SRGAP2B: variants seen among roughly 807,000 people sequenced by gnomAD.
SRGAP2B encodes the protein SLIT-ROBO Rho GTPase-activating protein 2B.
SRGAP2B carries 9 observed loss-of-function variants against 22.2 expected under a neutral mutation model. The observed-to-expected ratio is 0.41, with a 90% CI of 0.24 to 0.71. SRGAP2B has a LOEUF of 0.71. Among genes scored for constraint, SRGAP2B ranks in the 30% least tolerant of loss-of-function variants. The pLI, the probability that SRGAP2B is intolerant of heterozygous loss-of-function variation, is 0.35. For synonymous variants in SRGAP2B, 36 were observed against 87.4 expected (o/e 0.41, Z 3.28); for missense variants, 114 against 235.8 (o/e 0.48, Z 3.38).
chr1:144,974,878 C>T (rs1369696285), intron 3 of SRGAP2B, among the ~76,000 whole-genome samples: 1 of 149,798 alleles, frequency 6.7e-6, no homozygotes, highest in Non-Finnish European at 1.5e-5. Flanking sequence ...GATGCTGATG[C>T]TGATGCTGAT....
intron 4 of SRGAP2B, among the ~76,000 whole-genome samples, chr1:144,944,705 T>G (rs1666354951): frequency 6.8e-6 from 1 of 146,074 alleles, no homozygotes. Context: ...ATTTATTTAT[T>G]TATTTATTTA....
chr1:144,926,957 T>TC (rs1462637715), intron 4 of SRGAP2B, among the ~76,000 whole-genome samples: 2 of 151,886 alleles, frequency 1.3e-5, no homozygotes, highest in Non-Finnish European at 2.9e-5. Context: ...TTTTCTTTTT[T>TC]CTTTTTTTTG....
chr1:145,076,330 C>A (rs1272279910), intron 2 of SRGAP2B, among the ~76,000 whole-genome samples: 1 of 149,532 alleles, frequency 6.7e-6, no homozygotes, highest in Non-Finnish European at 1.5e-5. Flanking sequence ...CCTGGCTTAT[C>A]TCTATTTTCT....
intron 4 of SRGAP2B, among the ~76,000 whole-genome samples, chr1:144,917,674 G>T (rs1392649564): frequency 2.1e-5 from 3 of 143,988 alleles, no homozygotes; most frequent in Non-Finnish European, 3.0e-5. Context: ...TGAACAGGCT[G>T]CTGAAGTGAT....
At chr1:145,019,201 AAT>A (rs1672619994) in intron 2 of SRGAP2B, among the ~76,000 whole-genome samples, 4 of 138,270 alleles carry the variant, frequency 2.9e-5, no homozygotes, top group Admixed American at 2.2e-4. Context: ...AAAAAAAAAA[AAT>A]AGCCAGGTGT....
chr1:144,956,483 TG>T (rs1553610347), intron 3 of SRGAP2B, among the ~76,000 whole-genome samples: 2 of 112,974 alleles, frequency 1.8e-5, no homozygotes, highest in African/African-American at 7.3e-5. Flanking sequence ...AGTCTCACTC[TG>T]TCACCCAGGC....
At chr1:144,997,257 T>A (rs1553618610) in intron 2 of SRGAP2B, among the ~76,000 whole-genome samples, 1 of 150,430 alleles carries the variant, frequency 6.6e-6, no homozygotes, top group Non-Finnish European at 1.5e-5. Context: ...TGAAACCCTG[T>A]CTCTACTAAA....
chr1:144,930,696 G>C (rs2101829318), intron 4 of SRGAP2B, among the ~76,000 whole-genome samples: 1 of 150,432 alleles, frequency 6.6e-6, no homozygotes, highest in Non-Finnish European at 1.5e-5. Context: ...TAAAAAAATT[G>C]AAAGAAGTAA....
intron 3 of SRGAP2B, among the ~76,000 whole-genome samples, chr1:144,958,598 C>T (rs1353107961): frequency 3.1e-5 from 4 of 130,552 alleles, no homozygotes; most frequent in Admixed American, 7.9e-5. Flanking sequence ...GCAGAGGTTG[C>T]AGTGAGCTGA....
intron 2 of SRGAP2B, among the ~76,000 whole-genome samples, chr1:144,997,179 A>G (rs1670747607): frequency 6.6e-6 from 1 of 150,686 alleles, no homozygotes; most frequent in Non-Finnish European, 1.5e-5. Flanking sequence ...CTGTAATCCC[A>G]GCACTTTGGG....
chr1:145,041,487 CAAAAAAAAAAA>C (rs4058416), intron 2 of SRGAP2B, among the ~76,000 whole-genome samples: 4 of 57,466 alleles, frequency 7.0e-5, no homozygotes, highest in African/African-American at 3.2e-4. Flanking sequence ...GACCCCATCT[CAAAAAAAAAAA>C]AAAAAAAAAA....
At chr1:144,922,737 G>C (rs1164035590) in intron 4 of SRGAP2B, among the ~76,000 whole-genome samples, 4 of 150,550 alleles carry the variant, frequency 2.7e-5, no homozygotes, top group African/African-American at 5.0e-5. Context: ...ACATCCAAAG[G>C]AAGGGGCTCC....
At chr1:145,016,580 G>T (rs1443523083) in intron 2 of SRGAP2B, among the ~76,000 whole-genome samples, 1 of 71,306 alleles carries the variant, frequency 1.4e-5, no homozygotes, top group Non-Finnish European at 2.7e-5. Context: ...CTAAATAAAA[G>T]AACCAAATGA....
chr1:145,079,916 T>C lies in SRGAP2B; in HGVS notation c.67+12919A>G, dbSNP rs1486259611. Among the ~76,000 whole-genome samples, 25 of 149,996 alleles carry C rather than the reference T, an allele frequency of 1.7e-4. 2 individuals carry two copies. Among genetic ancestry groups the C allele is most frequent in the Non-Finnish European group, 3.4e-4 (23 of 67,754 alleles). ...ACAACCCAGATGTCTAGATCAACCC[T>C]ATACCAGTTCCATAACCACACTGCC... On this transcript the variant is annotated intron_variant, in intron 2 of 9. Coordinates refer to ENST00000612199, the Ensembl canonical transcript of SRGAP2B.
chr1:144,957,936 T>C lies in SRGAP2B; in HGVS notation c.261-2335A>G, dbSNP rs587766229. ...TCTATTTCTTAAGGAAGAAGATGGA[T>C]TGGGGGGGATCTATACTGGTTCTTT... On this transcript the variant is annotated intron_variant, in intron 3 of 9. Coordinates refer to ENST00000612199, the Ensembl canonical transcript of SRGAP2B. Among the ~76,000 whole-genome samples the C allele has an allele frequency of 1.7e-4, 25 of 149,554 alleles. No homozygotes were observed. In the South Asian group the frequency reaches 2.3e-3, roughly 14 times the overall value.
At chr1:145,083,406 ATGTTAGC>A (rs1653098950) in intron 2 of SRGAP2B, among the ~76,000 whole-genome samples, 1 of 83,772 alleles carries the variant, frequency 1.2e-5, no homozygotes. Context: ...TTATGCTACG[ATGTTAGC>A]AAAAAAAAAA....
At chr1:144,906,101 C>T (rs1662973596) in intron 5 of SRGAP2B, 27 bp from the exon 6 acceptor site, 3 of 711,100 alleles carry the variant, frequency 4.2e-6, no homozygotes, top group South Asian at 3.0e-5. Context: ...ACCCCCACCC[C>T]CAGAGGTCAA....
At position 144,927,019 on chromosome 1, in the gene SRGAP2B, G is replaced by A. The variant is rs377396463; in HGVS notation, c.424-12265C>T. ...GGCTGGAGTGTAGTGGCATGATCTC[G>A]TTTCACTGCAAGCTCTGCCTCCCGG... On this transcript the variant is annotated intron_variant, in intron 4 of 9. Transcript: ENST00000612199. Among the ~76,000 whole-genome samples the A allele has an allele frequency of 1.8e-3, 275 of 150,110 alleles. 1 individual carries two copies. The highest frequency in any genetic ancestry group is 2.0e-3 in the Non-Finnish European group (137 of 67,980).
chr1:145,024,125 AT>A (rs367637607), intron 2 of SRGAP2B, among the ~76,000 whole-genome samples: 2 of 39,370 alleles, frequency 5.1e-5, no homozygotes, highest in Non-Finnish European at 5.3e-5. Context: ...GTTCACCAAG[AT>A]TTTTTTTTAA....
Sources: gnomAD v4.1 joint callset for allele counts (sites outside exome capture counted in the v4.1 genomes callset) on GRCh38, gnomAD v4.1.1 for gene constraint, MANE v1.5 for transcripts, NCBI Gene and HGNC (gene_info 2026-07-23, HGNC 2026-07-21) for gene names.